BAHCC1: variants seen among roughly 807,000 people sequenced by gnomAD.
BAHCC1 encodes BAH and coiled-coil domain-containing protein 1.
Under a neutral mutation model 88.2 loss-of-function variants are expected in BAHCC1, and 43 were observed. The observed-to-expected ratio is 0.49, with a 90% CI of 0.38 to 0.63. BAHCC1 has a LOEUF of 0.63. BAHCC1 is among the 20% of genes least tolerant of loss of function. The pLI is 0.00. For missense variants in BAHCC1, 3,023 were observed against 1,654.8 expected (o/e 1.83, Z -14.34); for synonymous variants, 1,510 against 745.5 (o/e 2.03, Z -16.71).
intron 2 of BAHCC1, among the ~76,000 whole-genome samples, chr17:81,425,691 T>TG (rs1568007765): frequency 8.4e-5 from 1 of 11,866 alleles, no homozygotes; most frequent in Non-Finnish European, 1.9e-4. Context: ...ATGTGGTTGG[T>TG]GGCGATGTGG....
In BAHCC1 at chr17:81,447,599, G is replaced by A. The variant is rs1555654917; in HGVS notation, c.3727G>A (p.Asp1243Asn). 1.3e-6 allele frequency: 1 copy of A among 750,074 alleles called. No individual in the cohort carries two copies. The highest frequency in any genetic ancestry group is 2.5e-6 in the Non-Finnish European group (1 of 403,748). 46.5% of individuals were successfully genotyped at this position (750,074 alleles called of 1,614,324 possible). Residue 1243 changes from aspartate (D) to asparagine (N), a missense_variant, in exon 11 of 28, where the codon GAC becomes AAC. By Grantham distance (23) the Asp-to-Asn change is conservative. Transcript: ENST00000675386. ...GQQSMEDSEEDCGGAPDNSHP... is the reference protein window; with the variant it reads ...GQQSMEDSEENCGGAPDNSHP... Reference sequence around the variant, plus strand: ...GCAGAGCATGGAGGACTCAGAGGAGGACTGTGGCGGAGCTCCCGACAACAG... The same window carrying A: ...GCAGAGCATGGAGGACTCAGAGGAGAACTGTGGCGGAGCTCCCGACAACAG...
intron 2 of BAHCC1, among the ~76,000 whole-genome samples, chr17:81,425,273 T>C: frequency 1.3e-5 from 1 of 76,104 alleles, no homozygotes. Context: ...TTGGGGGTGA[T>C]AGTGGTGGGT....
chr17:81,424,004 T>C (rs528241024), intron 2 of BAHCC1, among the ~76,000 whole-genome samples: 21 of 152,280 alleles, frequency 1.4e-4, no homozygotes, highest in African/African-American at 4.8e-4. Flanking sequence ...GTGAGCGCCA[T>C]CCGCAGCTCT....
intron 4 of BAHCC1, among the ~76,000 whole-genome samples, chr17:81,441,496 AC>A (rs2064414207): frequency 6.6e-6 from 1 of 152,036 alleles, no homozygotes; most frequent in Non-Finnish European, 1.5e-5. Flanking sequence ...CCCCGTCTCT[AC>A]TAAAAATACA....
At chr17:81,422,169 G>C (rs1247665627) in intron 2 of BAHCC1, among the ~76,000 whole-genome samples, 1 of 152,152 alleles carries the variant, frequency 6.6e-6, no homozygotes, top group African/African-American at 2.4e-5. Flanking sequence ...GCACCACCAT[G>C]CCCGGATAAT....
At chr17:81,438,254 C>G in intron 3 of BAHCC1, 116 bp from the exon 4 acceptor site, 1 of 696,148 alleles carries the variant, frequency 1.4e-6, no homozygotes, top group Non-Finnish European at 2.6e-6. Flanking sequence ...GCGTGCTGGG[C>G]TCTGCGGGAC....
Position 81,434,799 on chromosome 17 carries a change from G to A in BAHCC1, c.359-3571G>A, listed in dbSNP as rs371441180. Among the ~76,000 whole-genome samples, 1 of 152,082 alleles carries A rather than the reference G, an allele frequency of 6.6e-6. No individual in the cohort carries two copies. Among genetic ancestry groups the A allele is most frequent in the Non-Finnish European group, 1.5e-5 (1 of 67,990 alleles). On this transcript the variant is annotated intron_variant, in intron 3 of 27. Coordinates refer to ENST00000675386, the MANE Select transcript of BAHCC1 (RefSeq NM_001377448.1). This position sits in a 1 kb window ranked among gnomAD's most constrained non-coding sequence, Gnocchi z 4.9. ...TCTGGCAAGAGGAGGAAGGCGCAGGGCTGGCCTGGAGAGGGCAGGGCCTCG... is the reference window on the plus strand; with the variant it reads ...TCTGGCAAGAGGAGGAAGGCGCAGGACTGGCCTGGAGAGGGCAGGGCCTCG...
At chr17:81,426,097 TA>T (rs2064193076) in intron 2 of BAHCC1, among the ~76,000 whole-genome samples, 3 of 142,006 alleles carry the variant, frequency 2.1e-5, no homozygotes, top group Admixed American at 7.0e-5. Context: ...TTGGTGGTGA[TA>T]GTGGTGGGTG....
At chr17:81,428,671 G>A (rs2064227406) in intron 3 of BAHCC1, among the ~76,000 whole-genome samples, 1 of 152,222 alleles carries the variant, frequency 6.6e-6, no homozygotes, top group Admixed American at 6.5e-5. Flanking sequence ...CCGCCCCTCT[G>A]GGGGCTGCTC....
rs1298680872 is a variant in BAHCC1 at position 81,432,143 on chromosome 17, C to G, written c.358+5164C>G. Among the ~76,000 whole-genome samples, 3 of 152,310 alleles carry G rather than the reference C, an allele frequency of 2.0e-5. No homozygotes were observed. The East Asian group carries it at 5.8e-4, about 29-fold the overall frequency. ...TGATACAGACACAAAGAGCAACTTC[C>G]CTCCCGTGTCCTGCAGCGGCTGTCC... On this transcript the variant is annotated intron_variant, in intron 3 of 27. Transcript: ENST00000675386.
At chr17:81,446,597 G>A (rs1182707918) in intron 10 of BAHCC1, 1 of 231,100 alleles carries the variant, frequency 4.3e-6, no homozygotes, top group African/African-American at 2.7e-5. Flanking sequence ...CGCCCAGTCT[G>A]GAGTGCAGTG....
intron 3 of BAHCC1, among the ~76,000 whole-genome samples, chr17:81,432,531 C>T (rs1273660378): frequency 2.9e-5 from 4 of 140,304 alleles, no homozygotes; most frequent in African/African-American, 1.0e-4. Flanking sequence ...TCGGACCCAC[C>T]CTCCCACCCA....
Position 81,399,735 on chromosome 17 carries a change from C to T in BAHCC1, c.-5C>T. The T allele has an allele frequency of 1.8e-6, 2 of 1,110,144 alleles. No homozygotes were observed. The highest frequency in any genetic ancestry group is 1.1e-6 in the Non-Finnish European group (1 of 912,580). 68.8% of individuals were successfully genotyped at this position (1,110,144 alleles called of 1,614,324 possible). A position where few individuals can be genotyped will look rare whatever the true frequency, so the allele number is the denominator to read the frequency against. On this transcript the variant is annotated 5_prime_UTR_variant, in exon 2 of 28. Coordinates refer to ENST00000675386, the MANE Select transcript of BAHCC1 (RefSeq NM_001377448.1). This position sits in a 1 kb window ranked among gnomAD's most constrained non-coding sequence, Gnocchi z 4.5. ...AGCGGCGGCGGACCGGGGCCGGGGC[C>T]CGGCATGGATGGCCGCGACTTTGCG...
chr17:81,406,154 C>G (rs1048290741), intron 2 of BAHCC1, among the ~76,000 whole-genome samples: 2 of 152,232 alleles, frequency 1.3e-5, no homozygotes, highest in Non-Finnish European at 2.9e-5. Context: ...TCCCTCAAGA[C>G]AGGCACTGCC....
chr17:81,449,127 G>A (rs1183134024), intron 11 of BAHCC1, among the ~76,000 whole-genome samples: 4 of 152,190 alleles, frequency 2.6e-5, no homozygotes, highest in African/African-American at 9.7e-5. Flanking sequence ...CTCATGTGTA[G>A]ACCACGTGTC....
chr17:81,457,638 G>A, intron 17 of BAHCC1, 46 bp downstream of exon 17: 1 of 658,064 alleles, frequency 1.5e-6, no homozygotes, highest in Non-Finnish European at 2.8e-6. Context: ...CAGGAGGGAG[G>A]GCAGGGATTG....
chr17:81,422,805 GA>G (rs1555649748), intron 2 of BAHCC1: 4 of 439,164 alleles, frequency 9.1e-6, no homozygotes, highest in East Asian at 7.9e-5. Flanking sequence ...TCCCGAGGAG[GA>G]AAAGGCGGGA....
intron 3 of BAHCC1, among the ~76,000 whole-genome samples, chr17:81,436,187 G>A (rs2064333288): frequency 1.3e-5 from 2 of 152,164 alleles, no homozygotes; most frequent in Non-Finnish European, 1.5e-5. Context: ...GACCCAAGCA[G>A]GCAAGGATGG....
At chr17:81,421,426 TG>T (rs1555649579) in intron 2 of BAHCC1, among the ~76,000 whole-genome samples, 1 of 151,384 alleles carries the variant, frequency 6.6e-6, no homozygotes, top group Admixed American at 6.6e-5. Context: ...GAGGCGGGGG[TG>T]ACAGTAGAGG....
Sources: allele counts gnomAD v4.1 joint callset (sites outside exome capture counted in the v4.1 genomes callset), GRCh38; gene constraint gnomAD v4.1.1; non-coding constraint Gnocchi (gnomAD v3.1); transcripts MANE v1.5; gene names NCBI Gene and HGNC (gene_info 2026-07-23, HGNC 2026-07-21).